NBPF15: variants seen among roughly 807,000 people sequenced by gnomAD.
NBPF15 encodes the protein NBPF member 15.
Under a neutral mutation model 62.2 loss-of-function variants are expected in NBPF15, and 74 were observed. That is an observed-to-expected ratio of 1.19 (90% CI 0.99 to 1.44). NBPF15 has a LOEUF of 1.44. NBPF15 is among the 40% of genes most tolerant of loss of function. The probability of loss-of-function intolerance (pLI) is 0.00; values close to 1 mark genes in which losing one functional copy is unlikely to be tolerated. For missense variants in NBPF15, 790 were observed against 550.0 expected (o/e 1.44, Z -4.36); for synonymous variants, 244 against 209.7 (o/e 1.16, Z -1.41).
intron 12 of NBPF15, 34 bp downstream of exon 12, chr1:144,435,077 G>A (rs1356941008): frequency 1.2e-6 from 2 of 1,611,642 alleles, no homozygotes; most frequent in Non-Finnish European, 1.7e-6. Context: ...TCAGCCTAGA[G>A]AGAGGTATGA....
At position 144,427,878 on chromosome 1, in the gene NBPF15, A is replaced by G. The variant is rs1553539584; in HGVS notation, c.1153T>C (p.Tyr385His). 1.4e-5 allele frequency: 9 copies of G among 651,462 alleles called. No homozygotes were observed. The highest frequency in any genetic ancestry group is 1.1e-4 in the South Asian group (6 of 54,066). The allele number at this position is 651,462 out of a possible 1,614,324, so 40.4% of individuals were successfully genotyped here. The stretch of plus-strand genomic sequence containing the variant: ...TCCAATACGTAAAAGGCACTTCTGT[A>G]GGGCTGGCATGAGTCAGTCAGTTCA... ...CLELTDSCQP[Y>H]RSAFYVLEQQ... The change falls in exon 16 of 22, where the codon TAC (tyrosine) becomes CAC (histidine). Residue 385 changes from tyrosine (Y) to histidine (H), a missense_variant. Physicochemically the swap from Tyr to His is moderately conservative, Grantham distance 83 (BLOSUM62 2). Coordinates refer to ENST00000581897, the MANE Select transcript of NBPF15 (RefSeq NM_001385408.1).
intron 10 of NBPF15, among the ~76,000 whole-genome samples, chr1:144,436,611 C>T (rs1553541285): frequency 6.6e-6 from 1 of 152,036 alleles, no homozygotes; most frequent in South Asian, 2.1e-4. Context: ...AACAAGCCTG[C>T]TCCCATCGCA....
intron 10 of NBPF15, among the ~76,000 whole-genome samples, chr1:144,436,550 GAA>G (rs1240156657): frequency 6.6e-6 from 1 of 151,984 alleles, no homozygotes; most frequent in Non-Finnish European, 1.5e-5. Flanking sequence ...GAACATTGCC[GAA>G]AAGACAGCCT....
chr1:144,436,943 C>G lies in NBPF15; in HGVS notation c.445G>C (p.Ala149Pro), dbSNP rs1301959204. 35 of 1,612,032 alleles carry G rather than the reference C, an allele frequency of 2.2e-5. 1 individual carries two copies. Among genetic ancestry groups the G allele is most frequent in the South Asian group, 4.4e-5 (4 of 90,994 alleles). Residue 149 changes from alanine (A) to proline (P), a missense_variant, in exon 10 of 22, where the codon GCT (alanine) becomes CCT (proline). By Grantham distance (27) the Ala-to-Pro change is conservative (BLOSUM62 -1). Coordinates refer to ENST00000581897, the MANE Select transcript of NBPF15 (RefSeq NM_001385408.1). Reference protein sequence around the residue: ...SQGQDLQEQLAEGCRLTQHLV... With the variant: ...SQGQDLQEQLPEGCRLTQHLV... ...TGCTGTGTCAGTCTACACCCCTCAG[C>G]CAGCTGTTCTTGGAGGTCCTGCCCC...
chr1:144,439,668 C>G (rs1288270832), intron 8 of NBPF15, among the ~76,000 whole-genome samples, 161 bp downstream of exon 8: 4 of 151,608 alleles, frequency 2.6e-5, no homozygotes, highest in African/African-American at 4.8e-5. Flanking sequence ...ACTTTGGTAC[C>G]TCTGTCTTCC....
At chr1:144,453,739 T>C (rs1260811761) in intron 4 of NBPF15, among the ~76,000 whole-genome samples, 3 of 147,106 alleles carry the variant, frequency 2.0e-5, no homozygotes, top group African/African-American at 7.6e-5. Flanking sequence ...CAAAATCATT[T>C]GTTGTGAGGG....
At chr1:144,444,399 C>A (rs1402987563) in intron 6 of NBPF15, among the ~76,000 whole-genome samples, 1 of 151,664 alleles carries the variant, frequency 6.6e-6, no homozygotes, top group African/African-American at 2.4e-5. Context: ...TTAACAGGAG[C>A]CATTTAGTAT....
At chr1:144,439,741 T>A in intron 8 of NBPF15, 88 bp downstream of exon 8, 1 of 965,384 alleles carries the variant, frequency 1.0e-6, no homozygotes, top group Non-Finnish European at 1.6e-6. Context: ...AGGATGAAAT[T>A]ATTTTTGATG....
At position 144,423,979 on chromosome 1, in the gene NBPF15, C is replaced by T. The variant is rs1667665460; in HGVS notation, c.1664-4G>A. The T allele has an allele frequency of 3.9e-6, 3 of 765,394 alleles. No homozygotes were observed. Among genetic ancestry groups the T allele is most frequent in the South Asian group, 1.3e-5 (1 of 74,490 alleles). 47.4% of individuals were successfully genotyped at this position (765,394 alleles called of 1,614,324 possible). A position where few individuals can be genotyped will look rare whatever the true frequency, so the allele number is the denominator to read the frequency against. ...CCCTTCCCCTTCTTTTCAATTTCTGCAATAAATTCAGACATGGACAGACAC... is the reference window on the plus strand; with the variant it reads ...CCCTTCCCCTTCTTTTCAATTTCTGTAATAAATTCAGACATGGACAGACAC... On this transcript the variant is annotated splice_polypyrimidine_tract_variant and splice_region_variant and intron_variant, in intron 20 of 21. Transcript: ENST00000581897.
At position 144,423,895 on chromosome 1, in the gene NBPF15, C is replaced by T. The variant is rs1279623536; in HGVS notation, c.1744G>A (p.Glu582Lys). 2.0e-5 allele frequency: 16 copies of T among 783,870 alleles called. No individual in the cohort carries two copies. Among genetic ancestry groups the T allele is most frequent in the Admixed American group, 3.4e-5 (2 of 58,958 alleles). The allele number at this position is 783,870 out of a possible 1,614,324, so 48.6% of individuals were successfully genotyped here. A position where few individuals can be genotyped will look rare whatever the true frequency, so the allele number is the denominator to read the frequency against. ...CTGGGGCATGGTGGGTTGTCATCTT[C>T]CCCTTCTTTTCTTCCCCTTCTTCTT... ...KKRRRGRKEG[E>K]DDNPPCPRLY... is the part of the protein sequence containing the mutation. The change falls in exon 21 of 22, where the codon GAA becomes AAA. Residue 582 changes from glutamate (E) to lysine (K), a missense_variant. Transcript: ENST00000581897.
chr1:144,422,610 G>T lies in NBPF15; in HGVS notation c.*403C>A, dbSNP rs1666534888. ...AGCCAACACTGAAGACACAAAGAAT[G>T]AGGTTAGGTTCATTGAAACCAGGGT... On this transcript the variant is annotated 3_prime_UTR_variant, in exon 22 of 22. Coordinates refer to ENST00000581897, the MANE Select transcript of NBPF15 (RefSeq NM_001385408.1). 1 of 280,680 alleles carries T rather than the reference G, an allele frequency of 3.6e-6. No individual in the cohort carries two copies. Among genetic ancestry groups the T allele is most frequent in the Non-Finnish European group, 6.4e-6 (1 of 155,698 alleles). The allele number at this position is 280,680 out of a possible 1,614,324, so 17.4% of individuals were successfully genotyped here.
chr1:144,438,532 T>A lies in NBPF15; in HGVS notation c.176-485A>T, dbSNP rs1326872396. 2.0e-5 allele frequency among the ~76,000 whole-genome samples: 3 copies of A among 152,030 alleles called. No homozygotes were observed. The South Asian group carries it at 6.2e-4, about 32-fold the overall frequency. ...TTTGATTTTTAAATCATATCTTCAGTTATGATTTTAAGAATCATATCTGAA... is the reference window on the plus strand; with the variant it reads ...TTTGATTTTTAAATCATATCTTCAGATATGATTTTAAGAATCATATCTGAA... On this transcript the variant is annotated intron_variant, in intron 8 of 21. Transcript: ENST00000581897.
At chr1:144,442,206 A>T (rs1407797367) in intron 6 of NBPF15, among the ~76,000 whole-genome samples, 1 of 102,036 alleles carries the variant, frequency 9.8e-6, no homozygotes, top group South Asian at 3.0e-4. Flanking sequence ...TATATATATT[A>T]TTAATATATA....
intron 10 of NBPF15, among the ~76,000 whole-genome samples, chr1:144,436,117 C>G: frequency 6.6e-6 from 1 of 152,016 alleles, no homozygotes; most frequent in Admixed American, 6.6e-5. Context: ...GCTTGTGCAG[C>G]CTCTCTCTGG....
At chr1:144,438,999 T>A (rs115608051) in intron 8 of NBPF15, among the ~76,000 whole-genome samples, 3,900 of 151,752 alleles carry the variant, frequency 0.026, 171 homozygotes, top group African/African-American at 0.088. Flanking sequence ...TATTATTATT[T>A]TTTTTTAACA....
At chr1:144,451,741 G>T (rs1355381231) in intron 4 of NBPF15, among the ~76,000 whole-genome samples, 2 of 151,266 alleles carry the variant, frequency 1.3e-5, no homozygotes, top group South Asian at 2.1e-4. Context: ...TGGGGGTAGG[G>T]TTACAGATTA....
chr1:144,459,326 AC>A (rs1280181691), intron 3 of NBPF15, 39 bp downstream of exon 3: 1 of 151,956 alleles, frequency 6.6e-6, no homozygotes, highest in African/African-American at 2.4e-5. Flanking sequence ...CCCCATCTCT[AC>A]TAAAAATACA....
chr1:144,431,475 G>GTATA (rs878998903), intron 13 of NBPF15, among the ~76,000 whole-genome samples: 10 of 147,704 alleles, frequency 6.8e-5, no homozygotes, highest in Admixed American at 6.7e-5. Context: ...TTGTGTGTAT[G>GTATA]TATATATATA....
chr1:144,434,851 G>T lies in NBPF15; in HGVS notation c.772+260C>A, dbSNP rs587678785. Reference sequence around the variant, plus strand: ...ATACTGAATCGAAGCTAGGAGGCCTGACAGATATGGCCTGTGCACCTCCTG... The same window carrying T: ...ATACTGAATCGAAGCTAGGAGGCCTTACAGATATGGCCTGTGCACCTCCTG... On this transcript the variant is annotated intron_variant, in intron 12 of 21. Coordinates refer to ENST00000581897, the MANE Select transcript of NBPF15 (RefSeq NM_001385408.1). Among the ~76,000 whole-genome samples the T allele has an allele frequency of 9.9e-4, 151 of 152,120 alleles. 1 individual carries two copies. Among genetic ancestry groups the T allele is most frequent in the South Asian group, 1.7e-3 (8 of 4,810 alleles).
Sources: gnomAD v4.1 joint callset for allele counts (sites outside exome capture counted in the v4.1 genomes callset) on GRCh38, gnomAD v4.1.1 for gene constraint, MANE v1.5 for transcripts, NCBI Gene and HGNC (gene_info 2026-07-23, HGNC 2026-07-21) for gene names.